The following SLC36A2 variants were observed in gnomAD, a reference collection of about 807,000 sequenced individuals.
SLC36A2 encodes the protein solute carrier family 36 member 2, also known as proton-coupled amino acid transporter 2.
A neutral mutation model predicts 42.7 loss-of-function variants in SLC36A2; 39 were observed. The observed-to-expected ratio is 0.91, with a 90% confidence interval of 0.71 to 1.19. SLC36A2 has a LOEUF of 1.19. Among genes scored for constraint, SLC36A2 ranks in the 50% most tolerant of loss-of-function variants. SLC36A2 has a pLI of 0.00. For missense variants in SLC36A2, 590 were observed against 613.7 expected (o/e 0.96, Z 0.41); for synonymous variants, 237 against 240.8 (o/e 0.98, Z 0.15).
rs145719715 is a variant in SLC36A2 at position 151,338,203 on chromosome 5, T to A, written c.525+857A>T. 3.0e-3 allele frequency among the ~76,000 whole-genome samples: 454 copies of A among 152,350 alleles called. 2 individuals are homozygous for A. Among genetic ancestry groups the A allele is most frequent in the African/African-American group, 0.01 (433 of 41,582 alleles). On this transcript the variant is annotated intron_variant, in intron 5 of 9. Coordinates refer to ENST00000335244, the MANE Select transcript of SLC36A2 (RefSeq NM_181776.3). ...TTCTAGCTAGTTTACATTTTTGAAT[T>A]TCTGGTATTACTGCTATAAGCAGAA...
At chr5:151,317,495 T>C (rs1755537002) in intron 9 of SLC36A2, among the ~76,000 whole-genome samples, 1 of 151,402 alleles carries the variant, frequency 6.6e-6, no homozygotes, top group African/African-American at 2.4e-5. Flanking sequence ...AATGAACTAA[T>C]TGTTTCTCAG....
Position 151,335,336 on chromosome 5 carries a change from A to G in SLC36A2, c.737T>C (p.Ile246Thr). 1 of 1,612,082 alleles carries G rather than the reference A, an allele frequency of 6.2e-7. No individual in the cohort carries two copies. The highest frequency in any genetic ancestry group is 8.5e-7 in the Non-Finnish European group (1 of 1,179,070). ...TGCATGGTGTGCACTCACCTGGGTA[A>G]TGTACTGTATGATGATGACCAAGCT... The part of the protein sequence containing the change: ...LVSLVIIIQY[I>T]TQEIPDPSRL... The change falls in exon 6 of 10, where the codon ATT (isoleucine) becomes ACT (threonine). Residue 246 changes from isoleucine (I) to threonine (T), a missense_variant. Transcript: ENST00000335244.
intron 7 of SLC36A2, among the ~76,000 whole-genome samples, chr5:151,327,358 C>T (rs1755881312): frequency 6.6e-6 from 1 of 152,186 alleles, no homozygotes; most frequent in African/African-American, 2.4e-5. Context: ...TATCCAAAGT[C>T]CAAGTACCTG....
intron 5 of SLC36A2, among the ~76,000 whole-genome samples, chr5:151,336,349 T>G (rs1444558654): frequency 6.6e-6 from 1 of 152,174 alleles, no homozygotes; most frequent in Non-Finnish European, 1.5e-5. Context: ...TTCTTCCATC[T>G]ATATCCTCCT....
chr5:151,319,378 TG>T (rs1340929927), intron 9 of SLC36A2: 1 of 152,864 alleles, frequency 6.5e-6, no homozygotes, highest in African/African-American at 2.4e-5. Flanking sequence ...CAGTGTCGAA[TG>T]AATGCTGTGG....
At chr5:151,333,784 C>T (rs1756067470) in intron 6 of SLC36A2, among the ~76,000 whole-genome samples, 1 of 152,068 alleles carries the variant, frequency 6.6e-6, no homozygotes, top group Non-Finnish European at 1.5e-5. Flanking sequence ...ATGGTGTGAA[C>T]CCAAGATCGC....
Position 151,316,964 on chromosome 5 carries a change from G to A in SLC36A2, c.1305C>T (p.Gly435=). 4 of 1,614,046 alleles carry A rather than the reference G, an allele frequency of 2.5e-6. No homozygotes were observed. The highest frequency in any genetic ancestry group is 2.5e-6 in the Non-Finnish European group (3 of 1,179,990). The change falls in exon 10 of 10, where the codon GGC becomes GGT. Residue 435 remains glycine (G), a synonymous_variant. Coordinates refer to ENST00000335244, the MANE Select transcript of SLC36A2 (RefSeq NM_181776.3). ...LLEVTTFYSE[G]MSPLTIFKDA... ...CCTTGAAGATGGTGAGGGGGCTCAT[G>A]CCCTCTGAGTAGAACGTGGTGACCT...
At position 151,325,295 on chromosome 5, in the gene SLC36A2, G is replaced by T; in HGVS notation, c.1001C>A (p.Pro334His). 1.2e-6 allele frequency: 2 copies of T among 1,613,444 alleles called. No individual in the cohort carries two copies. The highest frequency in any genetic ancestry group is 1.7e-6 in the Non-Finnish European group (2 of 1,179,730). The change falls in exon 8 of 10, where the codon CCT (proline) becomes CAT (histidine). Residue 334 changes from proline to histidine, a missense_variant. By Grantham distance (77) the Pro-to-His change is moderately conservative. Transcript: ENST00000335244. ...DIKASISLNL[P>H]NCWLYQSVKL... ...CAGCCCATGAAGATACCAGCAGTTA[G>T]GCAGGTTAAGGCTTATGCTGGCCTT...
intron 1 of SLC36A2, among the ~76,000 whole-genome samples, chr5:151,344,796 A>G (rs1161320121): frequency 6.6e-6 from 1 of 152,210 alleles, no homozygotes; most frequent in Non-Finnish European, 1.5e-5. Context: ...AGGGGCAGAA[A>G]CTAGCTCAAT....
chr5:151,318,832 C>G (rs1561649363), intron 9 of SLC36A2, among the ~76,000 whole-genome samples: 1 of 151,960 alleles, frequency 6.6e-6, no homozygotes, highest in Non-Finnish European at 1.5e-5. Flanking sequence ...ACACGAAAAG[C>G]TAAAAATTTT....
intron 7 of SLC36A2, among the ~76,000 whole-genome samples, chr5:151,330,378 G>A (rs1755964334): frequency 6.6e-6 from 1 of 151,984 alleles, no homozygotes; most frequent in African/African-American, 2.4e-5. Flanking sequence ...ACCACTGAGG[G>A]CAAAAAGAAA....
intron 4 of SLC36A2, 130 bp from the exon 5 acceptor site, chr5:151,339,274 A>G (rs1756249821): frequency 1.6e-6 from 1 of 627,368 alleles, no homozygotes; most frequent in Non-Finnish European, 2.9e-6. Flanking sequence ...TGGTCCTTCC[A>G]CCACAATCAA....
intron 7 of SLC36A2, 88 bp from the exon 8 acceptor site, chr5:151,325,540 G>T: frequency 4.4e-6 from 6 of 1,362,832 alleles, no homozygotes; most frequent in Non-Finnish European, 6.2e-6. Flanking sequence ...CTACCCCAAA[G>T]AACTGAAAGC....
chr5:151,333,106 A>G (rs780428033), intron 7 of SLC36A2, 118 bp downstream of exon 7: 16 of 930,830 alleles, frequency 1.7e-5, no homozygotes, highest in Non-Finnish European at 2.8e-5. Context: ...TCCCATGGGC[A>G]TTTTCTAGCA....
chr5:151,317,164 C>G, intron 9 of SLC36A2, 76 bp from the exon 10 acceptor site: 1 of 1,554,662 alleles, frequency 6.4e-7, no homozygotes, highest in Non-Finnish European at 8.7e-7. Context: ...TTAAAGTCCT[C>G]TTCTTGGCCA....
At chr5:151,321,431 G>A (rs1164285492) in intron 9 of SLC36A2, among the ~76,000 whole-genome samples, 1 of 150,004 alleles carries the variant, frequency 6.7e-6, no homozygotes, top group Non-Finnish European at 1.5e-5. Context: ...CAATCCGCCT[G>A]CCTTGACCTC....
At position 151,322,203 on chromosome 5, in the gene SLC36A2, A is replaced by G; in HGVS notation, c.1023T>C (p.Ser341=). 6.2e-7 allele frequency: 1 copy of G among 1,614,106 alleles called. No individual in the cohort carries two copies. The highest frequency in any genetic ancestry group is 1.1e-5 in the South Asian group (1 of 91,080). The part of the protein sequence containing the change: ...LNLPNCWLYQ[S]VKLLYIAGIL... Reference sequence around the variant, plus strand: ...TGCCGGCAATGTAGAGAAGCTTGACAGACTGGTACAGCCTGCAAGACAAAC... The same window carrying G: ...TGCCGGCAATGTAGAGAAGCTTGACGGACTGGTACAGCCTGCAAGACAAAC... The change falls in exon 9 of 10, where the codon TCT becomes TCC. Residue 341 remains serine, a synonymous_variant. Transcript: ENST00000335244.
chr5:151,345,955 A>G (rs1756480502), intron 1 of SLC36A2, among the ~76,000 whole-genome samples: 1 of 152,222 alleles, frequency 6.6e-6, no homozygotes, highest in East Asian at 1.9e-4. Flanking sequence ...CTGGACACAA[A>G]GAAGTTCCAG....
At chr5:151,336,884 A>G (rs780197806) in intron 5 of SLC36A2, among the ~76,000 whole-genome samples, 2 of 152,224 alleles carry the variant, frequency 1.3e-5, no homozygotes, top group African/African-American at 2.4e-5. Context: ...CAGTATCAAG[A>G]TGCTAACATC....
Sources: gnomAD v4.1 joint callset for allele counts (sites outside exome capture counted in the v4.1 genomes callset) on GRCh38, gnomAD v4.1.1 for gene constraint, MANE v1.5 for transcripts, NCBI Gene and HGNC (gene_info 2026-07-23, HGNC 2026-07-21) for gene names.